The following TBC1D22A variants were observed in gnomAD, a reference collection of about 807,000 sequenced individuals.
TBC1D22A encodes the protein putative GTPase activator.
Under a neutral mutation model 60.2 loss-of-function variants are expected in TBC1D22A, and 38 were observed. The ratio of observed to expected loss-of-function variants is 0.63; its 90% confidence interval spans 0.49 to 0.83. TBC1D22A has a LOEUF of 0.83. TBC1D22A is among the 40% of genes least tolerant of loss of function. The pLI is 0.00. For missense variants in TBC1D22A, 628 were observed against 701.0 expected (o/e 0.90, Z 1.18); for synonymous variants, 302 against 281.7 (o/e 1.07, Z -0.72).
chr22:46,995,532 T>A (rs2285092), intron 9 of TBC1D22A, among the ~76,000 whole-genome samples: 38,095 of 150,702 alleles, frequency 0.25, 5,110 homozygotes, highest in East Asian at 0.29. Context: ...TGTGTGTGTG[T>A]GAGAGAGAAA....
intron 4 of TBC1D22A, among the ~76,000 whole-genome samples, chr22:46,875,345 C>T (rs545937661): frequency 2.0e-4 from 31 of 152,268 alleles, no homozygotes; most frequent in African/African-American, 7.0e-4. Flanking sequence ...AGGCAAGTCC[C>T]GTCTATGGTG....
intron 11 of TBC1D22A, among the ~76,000 whole-genome samples, chr22:47,055,591 C>T (rs2063366713): frequency 6.6e-6 from 1 of 152,132 alleles, no homozygotes; most frequent in Non-Finnish European, 1.5e-5. Context: ...GGGTAAGGTG[C>T]AGCCCCTGCC....
intron 8 of TBC1D22A, among the ~76,000 whole-genome samples, chr22:46,920,091 G>GTATGT (rs376629405): frequency 6.6e-6 from 1 of 152,014 alleles, no homozygotes; most frequent in Non-Finnish European, 1.5e-5. Context: ...ATGTATGAAT[G>GTATGT]AAGGAGAGAG....
chr22:46,904,146 C>CTATCTATCTATCTATCTAATCTAT (rs1555937562), intron 7 of TBC1D22A, among the ~76,000 whole-genome samples: 46 of 45,444 alleles, frequency 1.0e-3, no homozygotes, highest in African/African-American at 2.6e-3. Flanking sequence ...TATCTATCTA[C>CTATCTATCTATCTATCTAATCTAT]CTACCTACCT....
chr22:47,038,690 G>T (rs1040506404), intron 11 of TBC1D22A, among the ~76,000 whole-genome samples: 1 of 152,222 alleles, frequency 6.6e-6, no homozygotes, highest in Admixed American at 6.5e-5. Flanking sequence ...TTGTGGCTCT[G>T]AAGTCCTGTA....
At chr22:46,984,916 G>A (rs531500656) in intron 9 of TBC1D22A, among the ~76,000 whole-genome samples, 2 of 152,292 alleles carry the variant, frequency 1.3e-5, no homozygotes, top group South Asian at 2.1e-4. Context: ...CCAGGGAGGC[G>A]ACAGGGTAGT....
intron 4 of TBC1D22A, among the ~76,000 whole-genome samples, chr22:46,856,644 G>C (rs1225436387): frequency 6.6e-6 from 1 of 152,126 alleles, no homozygotes; most frequent in Admixed American, 6.5e-5. Context: ...GTGGGGGTGG[G>C]GGCTGGTACC....
At chr22:46,953,745 A>G (rs1002445810) in intron 8 of TBC1D22A, among the ~76,000 whole-genome samples, 3 of 152,202 alleles carry the variant, frequency 2.0e-5, no homozygotes, top group African/African-American at 7.2e-5. Flanking sequence ...TCTTTGGTCC[A>G]TGGCTTAGGA....
chr22:47,009,982 T>C lies in TBC1D22A; in HGVS notation c.1201+12273T>C, dbSNP rs1483094638. On this transcript the variant is annotated intron_variant, in intron 10 of 12. Transcript: ENST00000337137. The surrounding 1 kb of genome is among the most constrained non-coding windows in gnomAD (Gnocchi z 5.8). ...TGACAGTGGCCATTGTTATTAGTCATATCTTACACTTTCACCTATAAGGAA... is the reference window on the plus strand; with the variant it reads ...TGACAGTGGCCATTGTTATTAGTCACATCTTACACTTTCACCTATAAGGAA... Among the ~76,000 whole-genome samples the C allele has an allele frequency of 1.3e-5, 2 of 152,220 alleles. No individual in the cohort carries two copies. Among genetic ancestry groups the C allele is most frequent in the African/African-American group, 4.8e-5 (2 of 41,444 alleles).
chr22:46,860,364 C>T (rs2087795518), intron 4 of TBC1D22A, among the ~76,000 whole-genome samples: 1 of 15,718 alleles, frequency 6.4e-5, no homozygotes, highest in African/African-American at 8.4e-4. Context: ...GATAGAGGTC[C>T]GCGCAGTGCC....
At chr22:47,109,058 C>T (rs1005212560) in intron 11 of TBC1D22A, among the ~76,000 whole-genome samples, 2 of 152,084 alleles carry the variant, frequency 1.3e-5, no homozygotes, top group Admixed American at 6.6e-5. Context: ...GATACATTAC[C>T]GAACAAAAAC....
intron 7 of TBC1D22A, among the ~76,000 whole-genome samples, chr22:46,905,268 G>T (rs1431973347): frequency 6.6e-6 from 1 of 152,214 alleles, no homozygotes; most frequent in Non-Finnish European, 1.5e-5. Flanking sequence ...AGATAAAAAG[G>T]AATGAGGCAG....
intron 10 of TBC1D22A, among the ~76,000 whole-genome samples, chr22:47,036,584 T>C (rs1425469373): frequency 6.6e-6 from 1 of 152,176 alleles, no homozygotes; most frequent in Non-Finnish European, 1.5e-5. Context: ...AGGCCTTGTG[T>C]CCCACTTGCG....
chr22:46,950,431 C>T (rs552591788), intron 8 of TBC1D22A, among the ~76,000 whole-genome samples: 12 of 152,260 alleles, frequency 7.9e-5, no homozygotes, highest in South Asian at 2.1e-4. Flanking sequence ...CGGGTCTTTA[C>T]GTTGTCCTCC....
chr22:47,069,744 C>T (rs949866174), intron 11 of TBC1D22A, among the ~76,000 whole-genome samples: 1 of 103,468 alleles, frequency 9.7e-6, no homozygotes, highest in Non-Finnish European at 1.8e-5. Context: ...TTGGTTGGAG[C>T]GGAGCTGACC....
chr22:47,129,470 C>T (rs1469181348), intron 12 of TBC1D22A, among the ~76,000 whole-genome samples: 1 of 152,086 alleles, frequency 6.6e-6, no homozygotes, highest in Non-Finnish European at 1.5e-5. Context: ...AGTGAGACTC[C>T]GTCTCAGTAA....
chr22:46,898,015 A>C (rs945278523), intron 7 of TBC1D22A, among the ~76,000 whole-genome samples: 1 of 152,160 alleles, frequency 6.6e-6, no homozygotes, highest in African/African-American at 2.4e-5. Context: ...CTTCTCTTTG[A>C]TTGTCCTTTT....
At chr22:47,108,780 C>G (rs538027905) in intron 11 of TBC1D22A, among the ~76,000 whole-genome samples, 17 of 152,330 alleles carry the variant, frequency 1.1e-4, no homozygotes, top group African/African-American at 3.8e-4. Context: ...ACTGCAAGCT[C>G]CGCCTCCCAG....
intron 4 of TBC1D22A, among the ~76,000 whole-genome samples, chr22:46,822,374 G>A (rs753697284): frequency 2.6e-5 from 4 of 152,138 alleles, no homozygotes; most frequent in Non-Finnish European, 5.9e-5. Flanking sequence ...ATCTTTGTGA[G>A]TTTGTCTAGT....
Sources: gnomAD v4.1 joint callset for allele counts (sites outside exome capture counted in the v4.1 genomes callset) on GRCh38, gnomAD v4.1.1 for gene constraint, Gnocchi (gnomAD v3.1) non-coding constraint, MANE v1.5 for transcripts, NCBI Gene and HGNC (gene_info 2026-07-23, HGNC 2026-07-21) for gene names.